The following RFX7 variants were observed in gnomAD, a reference collection of about 807,000 sequenced individuals.
RFX7 encodes DNA-binding protein RFX7.
RFX7 carries 26 observed loss-of-function variants against 111.8 expected under a neutral mutation model. The ratio of observed to expected loss-of-function variants is 0.23; its 90% confidence interval spans 0.17 to 0.32. RFX7 has a LOEUF of 0.32. Among genes scored for constraint, RFX7 ranks in the 10% least tolerant of loss-of-function variants. The pLI is 1.00. For synonymous variants in RFX7, 624 were observed against 624.4 expected (o/e 1.00, Z 0.01); for missense variants, 1,573 against 1,772.9 (o/e 0.89, Z 2.02).
chr15:56,150,112 G>C (rs1333078323), intron 3 of RFX7, among the ~76,000 whole-genome samples: 1 of 152,182 alleles, frequency 6.6e-6, no homozygotes, highest in Non-Finnish European at 1.5e-5. Flanking sequence ...AAAGCTGCTG[G>C]GAAGTTCAAA....
chr15:56,131,349 C>T (rs2042214791), intron 5 of RFX7, among the ~76,000 whole-genome samples: 1 of 82,170 alleles, frequency 1.2e-5, no homozygotes, highest in Admixed American at 1.8e-4. Flanking sequence ...CTTACTGCCG[C>T]CTCCACCTCC....
chr15:56,126,664 C>T (rs1018961943), intron 5 of RFX7, among the ~76,000 whole-genome samples: 6 of 151,946 alleles, frequency 3.9e-5, no homozygotes, highest in African/African-American at 1.5e-4. Context: ...ATACTACATA[C>T]ATACTTATAT....
At chr15:56,131,271 CTTTTTT>C (rs140251962) in intron 5 of RFX7, among the ~76,000 whole-genome samples, 2 of 74,016 alleles carry the variant, frequency 2.7e-5, no homozygotes, top group Admixed American at 1.6e-4. Flanking sequence ...TATTAGGTAT[CTTTTTT>C]TTTTTTTTTT....
At chr15:56,209,280 G>A (rs1325630317) in intron 2 of RFX7, among the ~76,000 whole-genome samples, 1 of 150,792 alleles carries the variant, frequency 6.6e-6, no homozygotes, top group African/African-American at 2.4e-5. Context: ...ACACTCGAGA[G>A]TGTCAAGAGA....
intron 2 of RFX7, among the ~76,000 whole-genome samples, chr15:56,213,091 A>G (rs140417091): frequency 1.3e-5 from 2 of 152,352 alleles, no homozygotes; most frequent in African/African-American, 4.8e-5. Flanking sequence ...TGGTACAGAC[A>G]TTCTGGAAAA....
chr15:56,140,701 A>G (rs151147161), intron 5 of RFX7, among the ~76,000 whole-genome samples: 328 of 152,352 alleles, frequency 2.2e-3, no homozygotes, highest in South Asian at 0.016. Context: ...TGGAGTTCTC[A>G]CTACTCCTCC....
At chr15:56,166,002 A>C (rs1241361496) in intron 3 of RFX7, among the ~76,000 whole-genome samples, 1 of 152,142 alleles carries the variant, frequency 6.6e-6, no homozygotes, top group African/African-American at 2.4e-5. Context: ...TCCTGGGCTC[A>C]AGAGATATTC....
intron 1 of RFX7, 55 bp downstream of exon 1, chr15:56,243,390 G>C (rs1293079533): frequency 1.1e-6 from 1 of 903,234 alleles, no homozygotes; most frequent in Admixed American, 4.6e-5. Context: ...GGAGGGGGAG[G>C]GGGAGGGGAA....
intron 5 of RFX7, among the ~76,000 whole-genome samples, chr15:56,122,461 G>C (rs2042090991): frequency 6.6e-6 from 1 of 152,180 alleles, no homozygotes; most frequent in South Asian, 2.1e-4. Flanking sequence ...ATCACTACTG[G>C]GTCTGTGCTG....
chr15:56,181,391 C>T (rs1252987016), intron 2 of RFX7, among the ~76,000 whole-genome samples: 5 of 152,154 alleles, frequency 3.3e-5, no homozygotes, highest in Non-Finnish European at 7.3e-5. Context: ...AGCTCTCATC[C>T]TGCTTTATTT....
At chr15:56,130,009 A>G (rs2042191945) in intron 5 of RFX7, among the ~76,000 whole-genome samples, 1 of 152,188 alleles carries the variant, frequency 6.6e-6, no homozygotes, top group African/African-American at 2.4e-5. Flanking sequence ...CCTAAAATTA[A>G]TTTTATTGAA....
intron 5 of RFX7, among the ~76,000 whole-genome samples, chr15:56,111,683 A>G (rs1182068397): frequency 7.0e-6 from 1 of 143,822 alleles, no homozygotes; most frequent in African/African-American, 2.5e-5. Context: ...AAAAAAAACC[A>G]AAAAAACAAT....
intron 2 of RFX7, among the ~76,000 whole-genome samples, chr15:56,214,543 G>A (rs996884449): frequency 2.7e-4 from 41 of 150,858 alleles, no homozygotes; most frequent in African/African-American, 8.3e-4. Context: ...GTGAAACCCC[G>A]CCTCTACTAA....
intron 2 of RFX7, among the ~76,000 whole-genome samples, chr15:56,222,639 T>C (rs8030570): frequency 0.038 from 5,808 of 152,252 alleles, 377 homozygotes; most frequent in African/African-American, 0.13. Flanking sequence ...ATTACATTTT[T>C]TGTTCTAGGT....
intron 3 of RFX7, among the ~76,000 whole-genome samples, chr15:56,156,097 G>GA (rs1351027737): frequency 1.3e-5 from 2 of 151,998 alleles, no homozygotes; most frequent in African/African-American, 4.8e-5. Flanking sequence ...ATTTACTCAG[G>GA]AAAGTATGCA....
At chr15:56,143,226 A>G (rs1172609076) in intron 4 of RFX7, among the ~76,000 whole-genome samples, 1 of 152,062 alleles carries the variant, frequency 6.6e-6, no homozygotes, top group Non-Finnish European at 1.5e-5. Flanking sequence ...TACCAAATAA[A>G]TCATCAAACT....
chr15:56,221,978 T>C (rs2043431411), intron 2 of RFX7, among the ~76,000 whole-genome samples: 1 of 152,220 alleles, frequency 6.6e-6, no homozygotes, highest in Non-Finnish European at 1.5e-5. Flanking sequence ...CACCCCTTCA[T>C]TTGATCTGAG....
chr15:56,222,630 T>G (rs2141217500), intron 2 of RFX7, among the ~76,000 whole-genome samples: 1 of 152,322 alleles, frequency 6.6e-6, no homozygotes, highest in South Asian at 2.1e-4. Flanking sequence ...ATTTCAGATA[T>G]TACATTTTTT....
At chr15:56,155,020 G>GGC in intron 3 of RFX7, among the ~76,000 whole-genome samples, 1 of 152,234 alleles carries the variant, frequency 6.6e-6, no homozygotes, top group East Asian at 1.9e-4. Flanking sequence ...ACAGACATAG[G>GGC]AAAAATGCTC....
Sources: gnomAD v4.1 joint callset for allele counts (sites outside exome capture counted in the v4.1 genomes callset) on GRCh38, gnomAD v4.1.1 for gene constraint, MANE v1.5 for transcripts, NCBI Gene and HGNC (gene_info 2026-07-23, HGNC 2026-07-21) for gene names.